Variants in DTX2 observed in about 807,000 individuals in gnomAD.
DTX2 encodes deltex E3 ubiquitin ligase 2.
In DTX2, 29 loss-of-function variants were observed where a neutral mutation model predicts 55.3. The observed-to-expected ratio is 0.52, with a 90% CI of 0.39 to 0.71. The LOEUF (loss-of-function observed/expected upper bound fraction) is 0.71. DTX2 is among the 30% of genes least tolerant of loss of function. The pLI is 0.00. For missense variants in DTX2, 537 were observed against 822.5 expected, an observed-to-expected ratio of 0.65 and a Z score of 4.25; for synonymous variants, 276 against 340.4, an observed-to-expected ratio of 0.81 and a Z score of 2.08.
At position 76,482,801 on chromosome 7, in the gene DTX2, C is replaced by T. The variant is rs1387078835; in HGVS notation, c.562C>T (p.Pro188Ser). The T allele has an allele frequency of 3.1e-6, 5 of 1,613,804 alleles. No individual in the cohort carries two copies. The South Asian group carries it at 3.3e-5, about 11-fold the overall frequency. The change falls in exon 4 of 11, where the codon CCG becomes TCG. Residue 188 changes from proline to serine, a missense_variant. Around this residue, in one of 7 missense-constraint regions of DTX2, gnomAD observed 301 missense variants for 396.6 expected, o/e 0.76. Coordinates refer to ENST00000430490, the MANE Select transcript of DTX2 (RefSeq NM_001102594.3). ...PPYPVTTIIAPPGHTGVACSC... is the reference protein window; with the variant it reads ...PPYPVTTIIASPGHTGVACSC... Reference sequence around the variant, plus strand: ...TTACCCGGTGACCACCATCATCGCTCCGCCGGGCCACACAGGCGTCGCCTG... The same window carrying T: ...TTACCCGGTGACCACCATCATCGCTTCGCCGGGCCACACAGGCGTCGCCTG...
rs1563763262 is a variant in DTX2 at position 76,505,741 on chromosome 7, TC to T, written c.*145del. ...GGTGTGCCCCACCTGAAGCCGGGGCTCCCCCTGCCTGCCTCTCTCTCCTCCT... is the reference window on the plus strand; with the variant it reads ...GGTGTGCCCCACCTGAAGCCGGGGCTCCCCTGCCTGCCTCTCTCTCCTCCT... On this transcript the variant is annotated 3_prime_UTR_variant, in exon 11 of 11. Coordinates refer to ENST00000430490, the MANE Select transcript of DTX2 (RefSeq NM_001102594.3). This position sits in a 1 kb window ranked among gnomAD's most constrained non-coding sequence, Gnocchi z 4.4. 1 of 858,586 alleles carries T rather than the reference TC, an allele frequency of 1.2e-6. No individual in the cohort carries two copies. The highest frequency in any genetic ancestry group is 1.8e-6 in the Non-Finnish European group (1 of 559,732). 53.2% of individuals were successfully genotyped at this position (858,586 alleles called of 1,614,324 possible). A position where few individuals can be genotyped will look rare whatever the true frequency, so the allele number is the denominator to read the frequency against.
At chr7:76,464,665 A>G (rs1348220119) in intron 2 of DTX2, among the ~76,000 whole-genome samples, 2 of 152,020 alleles carry the variant, frequency 1.3e-5, no homozygotes, top group South Asian at 2.1e-4. Flanking sequence ...CCAAAGTGCT[A>G]GGATTACAGG....
At chr7:76,467,973 G>C (rs1048883824) in intron 2 of DTX2, among the ~76,000 whole-genome samples, 1 of 152,306 alleles carries the variant, frequency 6.6e-6, no homozygotes, top group African/African-American at 2.4e-5. Context: ...GGTTTGAGGG[G>C]CTCGGGCAGG....
intron 2 of DTX2, among the ~76,000 whole-genome samples, chr7:76,466,627 T>C (rs367864021): frequency 1.3e-5 from 2 of 152,146 alleles, no homozygotes; most frequent in South Asian, 4.1e-4. Flanking sequence ...GTTTCACTCT[T>C]ATTGCCTAGG....
intron 4 of DTX2, 88 bp from the exon 5 acceptor site, chr7:76,492,065 T>G: frequency 1.7e-6 from 1 of 605,102 alleles, no homozygotes; most frequent in Non-Finnish European, 2.5e-6. Flanking sequence ...CCTCAGTGAC[T>G]CCCACTTGGC....
chr7:76,493,695 G>C (rs1810621191), intron 5 of DTX2, among the ~76,000 whole-genome samples: 1 of 133,086 alleles, frequency 7.5e-6, no homozygotes, highest in Admixed American at 7.9e-5. Context: ...GGCTGGTGCA[G>C]AGCCTGACCT....
In DTX2 at chr7:76,469,249, G is replaced by A. The variant is rs534962073; in HGVS notation, c.-90+5540G>A. Among the ~76,000 whole-genome samples the A allele has an allele frequency of 1.6e-4, 24 of 150,042 alleles. No homozygotes were observed. In the South Asian group the frequency reaches 2.1e-3, roughly 13 times the overall value. ...GTAGCTGTGGCCACCCAGAGAGGACGTTCCAGCCACCATTGCAGTTTAGCT... is the reference window on the plus strand; with the variant it reads ...GTAGCTGTGGCCACCCAGAGAGGACATTCCAGCCACCATTGCAGTTTAGCT... On this transcript the variant is annotated intron_variant, in intron 2 of 10. Coordinates refer to ENST00000430490, the MANE Select transcript of DTX2 (RefSeq NM_001102594.3).
chr7:76,488,168 C>G (rs1183168029), intron 4 of DTX2, among the ~76,000 whole-genome samples: 1 of 85,550 alleles, frequency 1.2e-5, no homozygotes, highest in Non-Finnish European at 2.4e-5. Context: ...GGTTCCTGCT[C>G]TCTATTCGCA....
At chr7:76,475,653 C>A (rs1486525685) in intron 2 of DTX2, among the ~76,000 whole-genome samples, 2 of 151,818 alleles carry the variant, frequency 1.3e-5, no homozygotes, top group Admixed American at 1.3e-4. Flanking sequence ...CACTGCTGCA[C>A]TCCTGCCTGG....
At chr7:76,473,353 G>GA (rs1356356591) in intron 2 of DTX2, among the ~76,000 whole-genome samples, 1 of 148,980 alleles carries the variant, frequency 6.7e-6, no homozygotes, top group East Asian at 2.0e-4. Flanking sequence ...AGGCCTCCTG[G>GA]AAAGTGCCCG....
In DTX2 at chr7:76,495,918, G is replaced by A. The variant is rs1413713738; in HGVS notation, c.1010-1419G>A. 2.0e-5 allele frequency among the ~76,000 whole-genome samples: 2 copies of A among 101,852 alleles called. 1 individual carries two copies. Among genetic ancestry groups the A allele is most frequent in the Admixed American group, 1.9e-4 (2 of 10,384 alleles). The allele number at this position is 101,852 out of a possible 152,430, so 66.8% of individuals were successfully genotyped here. ...GGTCCTCCCAGACGACGTGGGCAGC[G>A]CAGAGGCACCAGATTCTCTTGAGGA... On this transcript the variant is annotated intron_variant, in intron 5 of 10. Transcript: ENST00000430490.
intron 9 of DTX2, among the ~76,000 whole-genome samples, chr7:76,503,814 T>C (rs535332671): frequency 0.043 from 5,918 of 137,526 alleles, 117 homozygotes; most frequent in Admixed American, 0.065. Context: ...CTCCACTCTT[T>C]CCTGAACCAA....
Position 76,483,048 on chromosome 7 carries a change from C to T in DTX2, c.809C>T (p.Ala270Val), listed in dbSNP as rs1220605619. 1 of 1,613,394 alleles carries T rather than the reference C, an allele frequency of 6.2e-7. No individual in the cohort carries two copies. The highest frequency in any genetic ancestry group is 1.7e-5 in the Admixed American group (1 of 59,970). ...RLNTTNAWGA[A>V]PPSLGSQPLY... ...AACACCACCAACGCCTGGGGCGCAG[C>T]TCCTCCTTCCCTGGGGAGCCAGCCC... The change falls in exon 4 of 11, where the codon GCT (alanine) becomes GTT (valine). Residue 270 changes from alanine (A) to valine (V), a missense_variant. Coordinates refer to ENST00000430490, the MANE Select transcript of DTX2 (RefSeq NM_001102594.3).
intron 2 of DTX2, among the ~76,000 whole-genome samples, chr7:76,464,420 CT>C (rs200024612): frequency 0.19 from 26,958 of 139,530 alleles, 1,225 homozygotes; most frequent in South Asian, 0.26. Context: ...TAGGAGATTT[CT>C]ATGAGGGTCA....
chr7:76,468,205 G>A (rs1242756313), intron 2 of DTX2, among the ~76,000 whole-genome samples: 2 of 152,266 alleles, frequency 1.3e-5, no homozygotes, highest in African/African-American at 2.4e-5. Context: ...TGCCTGCTGT[G>A]CTGTTGGATG....
chr7:76,504,595 G>T (rs1443869316), intron 10 of DTX2, 150 bp downstream of exon 10: 2 of 599,266 alleles, frequency 3.3e-6, no homozygotes, highest in Non-Finnish European at 6.0e-6. Flanking sequence ...CCTGCTGTAG[G>T]TACAGGGAGG....
rs1257663608 is a variant in DTX2, at chr7:76,472,961, T to C, written c.-89-7460T>C. On this transcript the variant is annotated intron_variant, in intron 2 of 10. Coordinates refer to ENST00000430490, the MANE Select transcript of DTX2 (RefSeq NM_001102594.3). ...CAAAGGAAGTGAACATTTTTAAACCTCTTGATACATATATTACCAAATTGT... is the reference window on the plus strand; with the variant it reads ...CAAAGGAAGTGAACATTTTTAAACCCCTTGATACATATATTACCAAATTGT... Among the ~76,000 whole-genome samples the C allele has an allele frequency of 3.3e-5, 5 of 152,188 alleles. 1 individual carries two copies. Among genetic ancestry groups the C allele is most frequent in the African/African-American group, 1.2e-4 (5 of 41,444 alleles).
At chr7:76,490,995 CTTTTTT>C (rs773754831) in intron 4 of DTX2, among the ~76,000 whole-genome samples, 1 of 63,368 alleles carries the variant, frequency 1.6e-5, no homozygotes, top group Admixed American at 2.0e-4. Context: ...TGAGAACCTG[CTTTTTT>C]TTTTTTTTTT....
chr7:76,468,344 A>G (rs1413763247), intron 2 of DTX2, among the ~76,000 whole-genome samples: 1 of 146,036 alleles, frequency 6.8e-6, no homozygotes, highest in Non-Finnish European at 1.5e-5. Context: ...TCAGAGAAGT[A>G]TTGCTCAACT....
Sources: gnomAD v4.1 joint callset for allele counts (sites outside exome capture counted in the v4.1 genomes callset) on GRCh38, gnomAD v4.1.1 for gene constraint, gnomAD v4.1.1 regional missense constraint, Gnocchi (gnomAD v3.1) non-coding constraint, MANE v1.5 for transcripts, NCBI Gene and HGNC (gene_info 2026-07-23, HGNC 2026-07-21) for gene names.